The following CBL variants were observed in gnomAD, a reference collection of about 807,000 sequenced individuals.
CBL encodes E3 ubiquitin-protein ligase CBL.
A neutral mutation model predicts 96.9 loss-of-function variants in CBL; 45 were observed. The observed-to-expected ratio is 0.46, with a 90% CI of 0.37 to 0.60. The LOEUF (loss-of-function observed/expected upper bound fraction) is 0.60, where lower values mean the gene tolerates loss of function less well. CBL is among the 20% of genes least tolerant of loss of function. The pLI is 0.00. For synonymous variants in CBL, 420 were observed against 426.8 expected (o/e 0.98, Z 0.20); for missense variants, 1,024 against 1,143.5 (o/e 0.90, Z 1.51).
chr11:119,298,228 G>A, intron 14 of CBL, 130 bp from the exon 15 acceptor site: 1 of 840,594 alleles, frequency 1.2e-6, no homozygotes, highest in Non-Finnish European at 2.0e-6. Flanking sequence ...TTGGCCCACA[G>A]TAGACAATCA....
chr11:119,262,751 C>A (rs1949763744), intron 2 of CBL, among the ~76,000 whole-genome samples: 1 of 152,142 alleles, frequency 6.6e-6, no homozygotes, highest in Non-Finnish European at 1.5e-5. Context: ...CGTGATGGAA[C>A]CTGTGAAAAA....
rs752171870 is a variant in CBL, at chr11:119,285,583, A to T, written c.1941+17A>T. ...ACCTCCATGGTGAGTCTTAATTTTGAAACTATCTAACCTGTTAAGAAATAT... is the reference window on the plus strand; with the variant it reads ...ACCTCCATGGTGAGTCTTAATTTTGTAACTATCTAACCTGTTAAGAAATAT... On this transcript the variant is annotated intron_variant, in intron 11 of 15. Transcript: ENST00000264033. The T allele has an allele frequency of 1.2e-6, 2 of 1,612,692 alleles. No homozygotes were observed. Among genetic ancestry groups the T allele is most frequent in the East Asian group, 4.5e-5 (2 of 44,882 alleles).
rs1043889671 is a variant in CBL, at chr11:119,307,700, A to G, written c.*7919A>G. 1 of 225,510 alleles carries G rather than the reference A, an allele frequency of 4.4e-6. No individual in the cohort carries two copies. Among genetic ancestry groups the G allele is most frequent in the Non-Finnish European group, 8.8e-6 (1 of 113,180 alleles). The allele number at this position is 225,510 out of a possible 1,614,324, so 14.0% of individuals were successfully genotyped here. ...TAAAGAATTGGGAGACAGAAATTTTAAAGTCCTCCTTATTCAAGATTTTGA... is the reference window on the plus strand; with the variant it reads ...TAAAGAATTGGGAGACAGAAATTTTGAAGTCCTCCTTATTCAAGATTTTGA... On this transcript the variant is annotated 3_prime_UTR_variant, in exon 16 of 16. Coordinates refer to ENST00000264033, the MANE Select transcript of CBL (RefSeq NM_005188.4).
In CBL at chr11:119,277,237, T is replaced by TCACACACACACACA. The variant is rs1478200397; in HGVS notation, c.1008-519_1008-518insACACACACACACAC. ...ACCTCAAAAAAAAAATAAGAATCTG[T>TCACACACACACACA]CGCGCACACACACACACACACACAC... On this transcript the variant is annotated intron_variant, in intron 6 of 15. Coordinates refer to ENST00000264033, the MANE Select transcript of CBL (RefSeq NM_005188.4). 4.1e-3 allele frequency among the ~76,000 whole-genome samples: 238 copies of TCACACACACACACA among 57,896 alleles called. 3 individuals carry two copies. The highest frequency in any genetic ancestry group is 0.022 in the African/African-American group (223 of 9,914). The allele number at this position is 57,896 out of a possible 152,430, so 38.0% of individuals were successfully genotyped here.
In CBL at chr11:119,219,327, G is replaced by A. The variant is rs1014722705; in HGVS notation, c.195+12715G>A. Reference sequence around the variant, plus strand: ...CAGGAGGCAGAGGTGGCAGTGAGCCGAGATAGTGTCATTGCACTCCAGCCT... The same window carrying A: ...CAGGAGGCAGAGGTGGCAGTGAGCCAAGATAGTGTCATTGCACTCCAGCCT... On this transcript the variant is annotated intron_variant, in intron 1 of 15. Transcript: ENST00000264033. Among the ~76,000 whole-genome samples, 5 of 150,502 alleles carry A rather than the reference G, an allele frequency of 3.3e-5. 1 individual carries two copies. Among genetic ancestry groups the A allele is most frequent in the Admixed American group, 2.0e-4 (3 of 15,072 alleles).
At chr11:119,259,902 CTA>C (rs1277953605) in intron 2 of CBL, among the ~76,000 whole-genome samples, 1 of 152,164 alleles carries the variant, frequency 6.6e-6, no homozygotes, top group African/African-American at 2.4e-5. Context: ...CCTTCCGATT[CTA>C]TCTCACTTAC....
rs1430399532 is a variant in CBL at position 119,287,844 on chromosome 11, C to T, written c.1942-8C>T. ...AGTTGTTTTTCAACACTTTTCTTTACTTTCCAGAGTATGAATAGCAGCCCA... is the reference window on the plus strand; with the variant it reads ...AGTTGTTTTTCAACACTTTTCTTTATTTTCCAGAGTATGAATAGCAGCCCA... On this transcript the variant is annotated splice_polypyrimidine_tract_variant and splice_region_variant and intron_variant, in intron 11 of 15. Transcript: ENST00000264033. 1.3e-6 allele frequency: 2 copies of T among 1,593,208 alleles called. No homozygotes were observed. Among genetic ancestry groups the T allele is most frequent in the African/African-American group, 2.7e-5 (2 of 74,460 alleles).
At chr11:119,233,494 A>C (rs973636475) in intron 2 of CBL, among the ~76,000 whole-genome samples, 1 of 152,200 alleles carries the variant, frequency 6.6e-6, no homozygotes, top group African/African-American at 2.4e-5. Context: ...TTGGCCTCAC[A>C]AGGTGCTGGG....
In CBL at chr11:119,296,449, C is replaced by T. The variant is rs114016204; in HGVS notation, c.2037-469C>T. On this transcript the variant is annotated intron_variant, in intron 12 of 15. Coordinates refer to ENST00000264033, the MANE Select transcript of CBL (RefSeq NM_005188.4). ...CCTCAGAATTTACGCTAACTGCGGT[C>T]GCTTTATCTCTCTCTATTTTAAATT... Among the ~76,000 whole-genome samples the T allele has an allele frequency of 3.7e-3, 561 of 152,234 alleles. 3 individuals are homozygous for T. The highest frequency in any genetic ancestry group is 0.013 in the African/African-American group (535 of 41,544).
chr11:119,285,785 A>G (rs192363931), intron 11 of CBL, among the ~76,000 whole-genome samples: 108 of 151,560 alleles, frequency 7.1e-4, no homozygotes, highest in African/African-American at 2.5e-3. Context: ...AATTCCAGCT[A>G]CTCGGGAGGC....
intron 2 of CBL, among the ~76,000 whole-genome samples, chr11:119,238,813 G>A (rs1251276302): frequency 3.9e-5 from 6 of 152,066 alleles, no homozygotes; most frequent in African/African-American, 1.4e-4. Flanking sequence ...GCTGGGCAAC[G>A]GAGCGAGAGT....
At position 119,302,688 on chromosome 11, in the gene CBL, T is replaced by C. The variant is rs1441143296; in HGVS notation, c.*2907T>C. ...AGAGCAGCAACTGGACCTTTCCAGC[T>C]GTCGCCATGTTCCTTCCACTAAAGT... On this transcript the variant is annotated 3_prime_UTR_variant, in exon 16 of 16. Transcript: ENST00000264033. The C allele has an allele frequency of 2.2e-5, 5 of 231,480 alleles. No individual in the cohort carries two copies. The highest frequency in any genetic ancestry group is 1.7e-4 in the Admixed American group (3 of 17,720). The allele number at this position is 231,480 out of a possible 1,614,324, so 14.3% of individuals were successfully genotyped here.
At chr11:119,285,675 C>A in intron 11 of CBL, 109 bp downstream of exon 11, 1 of 1,259,570 alleles carries the variant, frequency 7.9e-7, no homozygotes. Flanking sequence ...GTGGGTGGAT[C>A]GCTTGAGCCG....
Position 119,219,652 on chromosome 11 carries a change from G to A in CBL, c.196-12796G>A, listed in dbSNP as rs369326720. Among the ~76,000 whole-genome samples the A allele has an allele frequency of 8.6e-5, 13 of 150,746 alleles. 1 individual carries two copies. Among genetic ancestry groups the A allele is most frequent in the African/African-American group, 2.7e-4 (11 of 41,110 alleles). ...TAAGTATTTGGTTTGAAGTTGCATC[G>A]ATAACTCTGGACAAAGAACCATTTT... On this transcript the variant is annotated intron_variant, in intron 1 of 15. Coordinates refer to ENST00000264033, the MANE Select transcript of CBL (RefSeq NM_005188.4).
chr11:119,299,405 G>T (rs1436590211), intron 15 of CBL, 90 bp from the exon 16 acceptor site: 2 of 1,216,020 alleles, frequency 1.6e-6, no homozygotes, highest in Non-Finnish European at 2.4e-6. Context: ...CAGGAAGTCA[G>T]TAATATCTTG....
intron 2 of CBL, among the ~76,000 whole-genome samples, chr11:119,254,617 T>A (rs895932870): frequency 1.3e-5 from 2 of 152,056 alleles, no homozygotes; most frequent in African/African-American, 4.8e-5. Flanking sequence ...CTTTTTTTTT[T>A]TTGAGACAGA....
Position 119,206,347 on chromosome 11 carries a change from C to G in CBL, c.-71C>G. 1.6e-6 allele frequency: 2 copies of G among 1,270,360 alleles called. No homozygotes were observed. The highest frequency in any genetic ancestry group is 2.1e-6 in the Non-Finnish European group (2 of 962,932). 78.7% of individuals were successfully genotyped at this position (1,270,360 alleles called of 1,614,324 possible). ...GCCGGGAGAGGCCCCTCCTTCACGC[C>G]CTGCTTCTCTCCCTCGCTCGCAGTC... On this transcript the variant is annotated 5_prime_UTR_variant, in exon 1 of 16. Transcript: ENST00000264033.
At chr11:119,284,682 A>G (rs896355541) in intron 9 of CBL, among the ~76,000 whole-genome samples, 3 of 152,192 alleles carry the variant, frequency 2.0e-5, no homozygotes, top group Admixed American at 1.3e-4. Flanking sequence ...GTTGTAAACT[A>G]GGAAACTTTT....
At chr11:119,230,044 G>A (rs1465967793) in intron 1 of CBL, among the ~76,000 whole-genome samples, 2 of 151,618 alleles carry the variant, frequency 1.3e-5, no homozygotes, top group East Asian at 3.8e-4. Flanking sequence ...GTTAAAGTTG[G>A]GGGGAGATGG....
Sources: allele counts gnomAD v4.1 joint callset (sites outside exome capture counted in the v4.1 genomes callset), GRCh38; gene constraint gnomAD v4.1.1; transcripts MANE v1.5; gene names NCBI Gene and HGNC (gene_info 2026-07-23, HGNC 2026-07-21).